COL5A1: variants seen among roughly 807,000 people sequenced by gnomAD.
COL5A1 encodes the protein collagen type V alpha 1 chain.
A neutral mutation model predicts 263.7 loss-of-function variants in COL5A1; 16 were observed. The observed-to-expected ratio is 0.06, with a 90% CI of 0.04 to 0.09. COL5A1 has a LOEUF of 0.09. Among genes scored for constraint, COL5A1 ranks in the 10% least tolerant of loss-of-function variants. The pLI is 1.00. For missense variants in COL5A1, 2,036 were observed against 2,540.5 expected (o/e 0.80, Z 4.27); for synonymous variants, 1,012 against 1,004.5 (o/e 1.01, Z -0.14).
intron 18 of COL5A1, among the ~76,000 whole-genome samples, chr9:134,761,166 A>G (rs1187869403): frequency 7.5e-6 from 1 of 133,254 alleles, no homozygotes; most frequent in African/African-American, 3.1e-5. Context: ...ACGCATACAC[A>G]CCTATACACA....
intron 4 of COL5A1, chr9:134,709,040 A>C: frequency 2.3e-6 from 1 of 431,350 alleles, no homozygotes; most frequent in South Asian, 1.7e-5. Flanking sequence ...CTAATCTAGG[A>C]TGTTCCCATT....
At chr9:134,756,313 C>T (rs956138483) in intron 16 of COL5A1, among the ~76,000 whole-genome samples, 1 of 152,208 alleles carries the variant, frequency 6.6e-6, no homozygotes, top group African/African-American at 2.4e-5. Flanking sequence ...GCCAAGTGGA[C>T]AAACCAGATG....
chr9:134,734,249 TTCA>T (rs1835014837), intron 9 of COL5A1, among the ~76,000 whole-genome samples: 1 of 151,264 alleles, frequency 6.6e-6, no homozygotes, highest in Non-Finnish European at 1.5e-5. Context: ...GAAAGTCCAG[TTCA>T]CCTTTGTTGG....
At chr9:134,801,129 G>A (rs979304750) in intron 37 of COL5A1, among the ~76,000 whole-genome samples, 2 of 152,274 alleles carry the variant, frequency 1.3e-5, no homozygotes, top group East Asian at 1.9e-4. Context: ...AGCCAGGATC[G>A]TTATCTACGC....
intron 29 of COL5A1, among the ~76,000 whole-genome samples, chr9:134,784,379 C>T (rs889013238): frequency 3.9e-5 from 6 of 152,338 alleles, no homozygotes; most frequent in African/African-American, 7.2e-5. Context: ...GAGACTCTGC[C>T]GTAGCGCTAC....
At chr9:134,744,426 C>G (rs2132666159) in intron 11 of COL5A1, among the ~76,000 whole-genome samples, 1 of 152,200 alleles carries the variant, frequency 6.6e-6, no homozygotes, top group East Asian at 1.9e-4. Context: ...TACACACCCA[C>G]ACACGCACAC....
chr9:134,684,435 C>A (rs566699269), intron 1 of COL5A1, among the ~76,000 whole-genome samples: 141 of 152,344 alleles, frequency 9.3e-4, no homozygotes, highest in African/African-American at 3.1e-3. Flanking sequence ...GGTCTGTGAG[C>A]CTCAGGCCTT....
rs1833257123 is a variant in COL5A1, at chr9:134,690,973, G to A, written c.171G>A (p.Lys57=). The A allele has an allele frequency of 6.2e-7, 1 of 1,613,772 alleles. No homozygotes were observed. The highest frequency in any genetic ancestry group is 8.5e-7 in the Non-Finnish European group (1 of 1,180,056). ...ACAACTTGCCTGATGGAATAACAAA[G>A]ACAACAGGCTTTTGCGCCACGCGGC... ...DFHNLPDGIT[K]TTGFCATRRS... is the part of the protein sequence containing the mutation. Residue 57 remains lysine (K), a synonymous_variant, in exon 2 of 66, where the codon AAG becomes AAA. Transcript: ENST00000371817.
intron 63 of COL5A1, among the ~76,000 whole-genome samples, chr9:134,829,014 A>C (rs960969818): frequency 1.3e-5 from 2 of 151,788 alleles, no homozygotes; most frequent in Admixed American, 1.3e-4. Context: ...ACACACGCAC[A>C]CAGTCTGGTG....
chr9:134,645,242 A>T (rs1324278893), intron 1 of COL5A1, among the ~76,000 whole-genome samples: 1 of 152,066 alleles, frequency 6.6e-6, no homozygotes. Context: ...CGCCCTGCAG[A>T]TATTTCTGGA....
At chr9:134,835,365 AG>A (rs1839817028) in intron 65 of COL5A1, among the ~76,000 whole-genome samples, 161 bp downstream of exon 65, 1 of 152,238 alleles carries the variant, frequency 6.6e-6, no homozygotes, top group African/African-American at 2.4e-5. Context: ...CAGGGAGACT[AG>A]GAATCCCAGG....
rs16399 is a variant in COL5A1, at chr9:134,843,386, G to GCTAT, written c.*1090_*1093dup. 4 of 151,908 alleles carry GCTAT rather than the reference G, an allele frequency of 2.6e-5. No individual in the cohort carries two copies. Among genetic ancestry groups the GCTAT allele is most frequent in the African/African-American group, 7.3e-5 (3 of 41,150 alleles). The allele number at this position is 151,908 out of a possible 1,614,324, so 9.4% of individuals were successfully genotyped here. A position where few individuals can be genotyped will look rare whatever the true frequency, so the allele number is the denominator to read the frequency against. On this transcript the variant is annotated 3_prime_UTR_variant, in exon 66 of 66. Transcript: ENST00000371817. ...TTCTCTCTTGTGGCTCTCTTGTGGT[G>GCTAT]CTATCTATCTGTTTTAAGGTCTCCT...
At chr9:134,747,477 A>ACACACATGCATT (rs1835560127) in intron 11 of COL5A1, among the ~76,000 whole-genome samples, 1 of 149,868 alleles carries the variant, frequency 6.7e-6, no homozygotes, top group East Asian at 1.9e-4. Context: ...ACACATGCAT[A>ACACACATGCATT]CACACATGCA....
At chr9:134,712,958 G>A (rs1463825383) in intron 4 of COL5A1, among the ~76,000 whole-genome samples, 2 of 152,106 alleles carry the variant, frequency 1.3e-5, no homozygotes, top group African/African-American at 2.4e-5. Flanking sequence ...GGCTGCAGCC[G>A]GGGACTCCCA....
At chr9:134,715,009 A>G (rs1834213358) in intron 4 of COL5A1, among the ~76,000 whole-genome samples, 1 of 151,982 alleles carries the variant, frequency 6.6e-6, no homozygotes, top group Non-Finnish European at 1.5e-5. Context: ...AGAAAGAGAC[A>G]CAGAGACAAA....
chr9:134,769,011 A>ATGCG (rs998442961), intron 25 of COL5A1, among the ~76,000 whole-genome samples: 6 of 152,322 alleles, frequency 3.9e-5, no homozygotes, highest in Middle Eastern at 6.8e-3. Context: ...CACACTCAGA[A>ATGCG]TGCGTGCGTG....
At chr9:134,810,457 C>T (rs1357415316) in intron 44 of COL5A1, 149 bp downstream of exon 44, 7 of 727,146 alleles carry the variant, frequency 9.6e-6, no homozygotes, top group African/African-American at 1.8e-5. Context: ...TGTGTGTTCC[C>T]ACAACGTGTG....
chr9:134,697,158 C>T (rs1588446270), intron 2 of COL5A1, among the ~76,000 whole-genome samples: 3 of 151,944 alleles, frequency 2.0e-5, no homozygotes, highest in African/African-American at 4.8e-5. Context: ...ATGAAGTGTT[C>T]GACAGCCGAT....
rs1835453881 is a variant in COL5A1, at chr9:134,744,896, C to T, written c.1495-5646C>T. ...GCACTCACACACCTGCACACACACT[C>T]ATGCACATATGCACACACCCAGGCG... On this transcript the variant is annotated intron_variant, in intron 11 of 65. Transcript: ENST00000371817. 4.9e-5 allele frequency among the ~76,000 whole-genome samples: 7 copies of T among 142,758 alleles called. No homozygotes were observed. The South Asian group carries it at 1.5e-3, about 31-fold the overall frequency. 93.7% of individuals were successfully genotyped at this position (142,758 alleles called of 152,430 possible).
Sources: allele counts gnomAD v4.1 joint callset (sites outside exome capture counted in the v4.1 genomes callset), GRCh38; gene constraint gnomAD v4.1.1; transcripts MANE v1.5; gene names NCBI Gene and HGNC (gene_info 2026-07-23, HGNC 2026-07-21).